Variants in ACSS3 observed in about 807,000 individuals in gnomAD.
ACSS3 encodes the protein acyl-CoA synthetase short-chain family member 3, mitochondrial.
ACSS3 carries 64 observed loss-of-function variants against 84.2 expected under a neutral mutation model. The ratio of observed to expected loss-of-function variants is 0.76; its 90% CI spans 0.62 to 0.94. ACSS3 has a LOEUF of 0.94. Ranked by LOEUF, ACSS3 falls within the 40% of genes least tolerant of loss-of-function variation. ACSS3 has a pLI of 0.00. For synonymous variants in ACSS3, 317 were observed against 310.1 expected, an observed-to-expected ratio of 1.02 and a Z score of -0.23; for missense variants, 815 against 867.6, an observed-to-expected ratio of 0.94 and a Z score of 0.76.
chr12:81,213,471 C>G (rs1375249294), intron 9 of ACSS3, among the ~76,000 whole-genome samples: 1 of 151,912 alleles, frequency 6.6e-6, no homozygotes, highest in Non-Finnish European at 1.5e-5. Flanking sequence ...TTTGTTCTAC[C>G]TATGATTCCT....
chr12:81,186,684 C>CT (rs1174913746), intron 8 of ACSS3, among the ~76,000 whole-genome samples: 1 of 151,798 alleles, frequency 6.6e-6, no homozygotes, highest in South Asian at 2.1e-4. Flanking sequence ...CATTAGATGG[C>CT]TATTATCAAA....
rs982418900 is a variant in ACSS3 at position 81,260,920 on chromosome 12, A to T, written c.*5998A>T. On this transcript the variant is annotated 3_prime_UTR_variant, in exon 16 of 16. Coordinates refer to ENST00000548058, the MANE Select transcript of ACSS3 (RefSeq NM_024560.4). ...GTTGAAAAAAAATTATGAACATTTG[A>T]CATTTATAAATCTAAGAAACCACAG... The T allele has an allele frequency of 2.0e-5, 3 of 152,230 alleles. No homozygotes were observed. The highest frequency in any genetic ancestry group is 2.9e-5 in the Non-Finnish European group (2 of 68,042). 9.4% of individuals were successfully genotyped at this position (152,230 alleles called of 1,614,324 possible). A position where few individuals can be genotyped will look rare whatever the true frequency, so the allele number is the denominator to read the frequency against.
In ACSS3 at chr12:81,259,856, C is replaced by A; in HGVS notation, c.*4934C>A. On this transcript the variant is annotated 3_prime_UTR_variant, in exon 16 of 16. Coordinates refer to ENST00000548058, the MANE Select transcript of ACSS3 (RefSeq NM_024560.4). ...TTTTCTCCAATTTGGTGCAGGGGAG[C>A]TTAACAAATAATAGAATTTGCTCAA... is the stretch of plus-strand genomic sequence containing the variant. 1 of 408,774 alleles carries A rather than the reference C, an allele frequency of 2.4e-6. No individual in the cohort carries two copies. The highest frequency in any genetic ancestry group is 4.3e-6 in the Non-Finnish European group (1 of 230,896). The allele number at this position is 408,774 out of a possible 1,614,324, so 25.3% of individuals were successfully genotyped here.
chr12:81,231,171 A>G (rs751211343), intron 12 of ACSS3, 33 bp downstream of exon 12: 3 of 1,505,118 alleles, frequency 2.0e-6, no homozygotes, highest in African/African-American at 1.4e-5. Flanking sequence ...TTATCTTCTT[A>G]TGTACTTTTC....
intron 8 of ACSS3, among the ~76,000 whole-genome samples, chr12:81,183,822 CAAAT>C (rs1207529091): frequency 6.6e-6 from 1 of 151,706 alleles, no homozygotes; most frequent in African/African-American, 2.4e-5. Flanking sequence ...CATGAAAAGA[CAAAT>C]AGATAGCAAT....
At chr12:81,172,390 G>A (rs931666354) in intron 7 of ACSS3, among the ~76,000 whole-genome samples, 1 of 151,354 alleles carries the variant, frequency 6.6e-6, no homozygotes, top group African/African-American at 2.4e-5. Flanking sequence ...ACACTGATGT[G>A]TGCCTGCTGT....
chr12:81,250,343 C>T (rs1372286628), intron 13 of ACSS3, among the ~76,000 whole-genome samples: 1 of 152,020 alleles, frequency 6.6e-6, no homozygotes, highest in African/African-American at 2.4e-5. Flanking sequence ...TTTGATTTCA[C>T]TCAGATATGA....
At chr12:81,163,156 C>T (rs1365405058) in intron 7 of ACSS3, among the ~76,000 whole-genome samples, 1 of 152,192 alleles carries the variant, frequency 6.6e-6, no homozygotes, top group Non-Finnish European at 1.5e-5. Flanking sequence ...GAAATGAACT[C>T]TGTAGTCTTT....
At chr12:81,212,587 G>A (rs2032636936) in intron 9 of ACSS3, among the ~76,000 whole-genome samples, 1 of 152,082 alleles carries the variant, frequency 6.6e-6, no homozygotes, top group Non-Finnish European at 1.5e-5. Context: ...TTTTTCATCA[G>A]TAAAAAGAAT....
Position 81,078,233 on chromosome 12 carries a change from T to C in ACSS3, c.113T>C (p.Val38Ala). The C allele has an allele frequency of 6.2e-7, 1 of 1,600,450 alleles. No individual in the cohort carries two copies. Among genetic ancestry groups the C allele is most frequent in the Non-Finnish European group, 8.5e-7 (1 of 1,175,872 alleles). The change falls in exon 1 of 16, where the codon GTG (valine) becomes GCG (alanine). Residue 38 changes from valine to alanine, a missense_variant. By Grantham distance (64) the Val-to-Ala change is moderately conservative. Transcript: ENST00000548058. ...GCCGGTGCGGCCCTCAGGGCTTTAG[T>C]GGTCCCGGGCCCGCGGGGCGGTCTC... ...RGAGAALRAL[V>A]VPGPRGGLGG...
chr12:81,139,087 A>G, intron 3 of ACSS3, 44 bp from the exon 4 acceptor site: 1 of 1,582,784 alleles, frequency 6.3e-7, no homozygotes. Context: ...TTACCTAATT[A>G]ACATTGTTAA....
intron 1 of ACSS3, among the ~76,000 whole-genome samples, chr12:81,106,469 A>G (rs928491816): frequency 1.3e-5 from 2 of 152,190 alleles, no homozygotes; most frequent in African/African-American, 4.8e-5. Flanking sequence ...TAATGTAATA[A>G]TAATAAAAAT....
chr12:81,242,171 G>T (rs1329387253), intron 13 of ACSS3, among the ~76,000 whole-genome samples: 6 of 151,980 alleles, frequency 3.9e-5, no homozygotes, highest in Non-Finnish European at 7.4e-5. Context: ...AATGATAAAG[G>T]GGATATCACC....
chr12:81,131,340 C>T (rs931023451), intron 2 of ACSS3, among the ~76,000 whole-genome samples: 1 of 152,166 alleles, frequency 6.6e-6, no homozygotes, highest in African/African-American at 2.4e-5. Flanking sequence ...AGAGGTCCTT[C>T]ACATCCCTTG....
chr12:81,112,003 C>A (rs1162380765), intron 2 of ACSS3, among the ~76,000 whole-genome samples: 1 of 152,138 alleles, frequency 6.6e-6, no homozygotes, highest in Non-Finnish European at 1.5e-5. Context: ...ATTAAGTATA[C>A]AGAGACAGCT....
chr12:81,106,755 T>G (rs1304154463), intron 1 of ACSS3, among the ~76,000 whole-genome samples: 1 of 152,144 alleles, frequency 6.6e-6, no homozygotes, highest in Non-Finnish European at 1.5e-5. Flanking sequence ...CTTGAGTGAA[T>G]GGGGTCAGGT....
intron 7 of ACSS3, among the ~76,000 whole-genome samples, chr12:81,153,966 G>A (rs752588436): frequency 1.3e-5 from 2 of 151,852 alleles, no homozygotes; most frequent in East Asian, 1.9e-4. Flanking sequence ...TATATCTTGC[G>A]GACTTGATAT....
chr12:81,092,327 G>A (rs1282562055), intron 1 of ACSS3, among the ~76,000 whole-genome samples: 2 of 151,910 alleles, frequency 1.3e-5, no homozygotes, highest in Non-Finnish European at 2.9e-5. Flanking sequence ...GAGGAAAAAG[G>A]GCATTTTGCT....
At chr12:81,106,613 G>A (rs1246947420) in intron 1 of ACSS3, among the ~76,000 whole-genome samples, 1 of 151,974 alleles carries the variant, frequency 6.6e-6, no homozygotes, top group Non-Finnish European at 1.5e-5. Flanking sequence ...CTGATCTAGA[G>A]GTATATAGTT....
Sources: gnomAD v4.1 joint callset for allele counts (sites outside exome capture counted in the v4.1 genomes callset) on GRCh38, gnomAD v4.1.1 for gene constraint, MANE v1.5 for transcripts, NCBI Gene and HGNC (gene_info 2026-07-23, HGNC 2026-07-21) for gene names.